Variants in FAM163B observed in about 807,000 individuals in gnomAD.
FAM163B encodes the protein protein FAM163B.
FAM163B carries 4 observed loss-of-function variants against 7.6 expected under a neutral mutation model. That is an observed-to-expected ratio of 0.52 (90% confidence interval 0.26 to 1.20). The LOEUF (loss-of-function observed/expected upper bound fraction) is 1.20. Ranked by LOEUF, FAM163B falls within the 50% of genes most tolerant of loss-of-function variation. The pLI, the probability that FAM163B is intolerant of heterozygous loss-of-function variation, is 0.14. For missense variants in FAM163B, 250 were observed against 243.0 expected (o/e 1.03, Z -0.19); for synonymous variants, 120 against 111.6 (o/e 1.07, Z -0.47).
intron 1 of FAM163B, among the ~76,000 whole-genome samples, chr9:133,591,212 C>T (rs1248950453): frequency 2.0e-5 from 3 of 152,248 alleles, no homozygotes; most frequent in Non-Finnish European, 1.5e-5. Flanking sequence ...CAGTGGCAGG[C>T]ACCTGCTATG....
chr9:133,578,748 G>C lies in FAM163B; in HGVS notation c.*274C>G, dbSNP rs1013978396. On this transcript the variant is annotated 3_prime_UTR_variant, in exon 3 of 3. Transcript: ENST00000673969. The stretch of plus-strand genomic sequence containing the variant: ...GAGTAACGGTGGCCTCTGTGCCTGA[G>C]AGCCCTGGTGCATGCCCAGCCGGCT... 1 of 492,082 alleles carries C rather than the reference G, an allele frequency of 2.0e-6. No individual in the cohort carries two copies. Among genetic ancestry groups the C allele is most frequent in the Non-Finnish European group, 3.4e-6 (1 of 293,734 alleles). The allele number at this position is 492,082 out of a possible 1,614,324, so 30.5% of individuals were successfully genotyped here. A position where few individuals can be genotyped will look rare whatever the true frequency, so the allele number is the denominator to read the frequency against.
Position 133,579,059 on chromosome 9 carries a change from G to C in FAM163B, c.464C>G (p.Ala155Gly), listed in dbSNP as rs2131206605. ...GCTGATGCTGCGGCTCCTGGCGAAG[G>C]CCTCCCGCATGGCTGAGAGGCGGTT... is the stretch of plus-strand genomic sequence containing the variant. ...NPNRLSAMREAFARSRSISTD... is the reference protein window; with the variant it reads ...NPNRLSAMREGFARSRSISTD... The change falls in exon 3 of 3, where the codon GCC (alanine) becomes GGC (glycine). Residue 155 changes from alanine (A) to glycine (G), a missense_variant. Transcript: ENST00000673969. 3.2e-6 allele frequency: 5 copies of C among 1,581,276 alleles called. No homozygotes were observed. Among genetic ancestry groups the C allele is most frequent in the East Asian group, 4.6e-5 (2 of 43,604 alleles).
chr9:133,588,574 C>G (rs1588325805), intron 1 of FAM163B, among the ~76,000 whole-genome samples: 5 of 139,878 alleles, frequency 3.6e-5, no homozygotes, highest in African/African-American at 7.9e-5. Flanking sequence ...GAGGGATTAG[C>G]ATGCTGAGGG....
chr9:133,581,889 G>T (rs1831361846), intron 1 of FAM163B, among the ~76,000 whole-genome samples: 1 of 152,182 alleles, frequency 6.6e-6, no homozygotes, highest in African/African-American at 2.4e-5. Context: ...GGGTCTCCCA[G>T]CCCATTGCTG....
chr9:133,579,490 G>T, intron 2 of FAM163B, 61 bp from the exon 3 acceptor site: 1 of 1,497,010 alleles, frequency 6.7e-7, no homozygotes, highest in Non-Finnish European at 8.9e-7. Flanking sequence ...CCGACATGTG[G>T]GAAAGGCTAC....
chr9:133,608,004 A>G (rs1049931551), intron 1 of FAM163B, among the ~76,000 whole-genome samples: 4 of 152,226 alleles, frequency 2.6e-5, no homozygotes, highest in African/African-American at 9.6e-5. Flanking sequence ...AAGATGGGCA[A>G]AGGTGCTTTC....
intron 1 of FAM163B, among the ~76,000 whole-genome samples, chr9:133,588,697 C>CCGAAAGATCTAGCAAGT (rs1831489287): frequency 8.9e-5 from 1 of 11,290 alleles, no homozygotes; most frequent in Non-Finnish European, 2.2e-4. Flanking sequence ...ATCTAGCATG[C>CCGAAAGATCTAGCAAGT]TGAGGGATCT....
intron 1 of FAM163B, among the ~76,000 whole-genome samples, chr9:133,599,309 C>T (rs537679174): frequency 3.9e-5 from 6 of 152,216 alleles, no homozygotes; most frequent in Admixed American, 2.6e-4. Flanking sequence ...CTTTGCTGCT[C>T]GCCCAGGCCT....
chr9:133,580,780 T>A (rs963451840), intron 1 of FAM163B, among the ~76,000 whole-genome samples: 249 of 152,310 alleles, frequency 1.6e-3, no homozygotes, highest in African/African-American at 5.6e-3. Context: ...TGCTTAATTG[T>A]GGTAAAGCAC....
Position 133,600,637 on chromosome 9 carries a change from C to T in FAM163B, c.-24+8440G>A, listed in dbSNP as rs559014682. ...CAGAGGGTAAAAGGATGGGTGGAAG[C>T]CCAAGACTCGTGGGGCTTGAGGAGA... On this transcript the variant is annotated intron_variant, in intron 1 of 2. Coordinates refer to ENST00000673969, the MANE Select transcript of FAM163B (RefSeq NM_001080515.3). The surrounding 1 kb of genome is among the most constrained non-coding windows in gnomAD (Gnocchi z 4.9). Among the ~76,000 whole-genome samples the T allele has an allele frequency of 2.6e-5, 4 of 152,208 alleles. No individual in the cohort carries two copies. Among genetic ancestry groups the T allele is most frequent in the Non-Finnish European group, 5.9e-5 (4 of 68,008 alleles).
intron 1 of FAM163B, among the ~76,000 whole-genome samples, chr9:133,602,047 T>C (rs560838089): frequency 5.9e-4 from 90 of 152,202 alleles, no homozygotes; most frequent in African/African-American, 2.0e-3. Flanking sequence ...CAGCTGGGAA[T>C]GGTTTTAAGC....
At chr9:133,584,820 G>A (rs183489441) in intron 1 of FAM163B, among the ~76,000 whole-genome samples, 11,604 of 152,306 alleles carry the variant, frequency 0.076, 494 homozygotes, top group Non-Finnish European at 0.087. Flanking sequence ...GTCAGGCCCA[G>A]CAACAGCCTG....
intron 1 of FAM163B, among the ~76,000 whole-genome samples, chr9:133,583,652 A>T (rs1014055154): frequency 6.6e-6 from 1 of 152,172 alleles, no homozygotes; most frequent in Non-Finnish European, 1.5e-5. Flanking sequence ...TCTGAGATGC[A>T]GCCGGTCCCT....
Position 133,578,263 on chromosome 9 carries a change from T to C in FAM163B, c.*759A>G, listed in dbSNP as rs1413484331. Among the ~76,000 whole-genome samples the C allele has an allele frequency of 2.0e-5, 3 of 152,182 alleles. No individual in the cohort carries two copies. The highest frequency in any genetic ancestry group is 2.1e-4 in the South Asian group (1 of 4,832). The stretch of plus-strand genomic sequence containing the variant: ...AGCACTGGGTCTATACATTTCCACG[T>C]TGCCTCTCCCACGGCAGGGGGACTG... On this transcript the variant is annotated 3_prime_UTR_variant, in exon 3 of 3. Coordinates refer to ENST00000673969, the MANE Select transcript of FAM163B (RefSeq NM_001080515.3).
intron 1 of FAM163B, among the ~76,000 whole-genome samples, chr9:133,607,430 G>A (rs1411572918): frequency 2.6e-5 from 4 of 152,210 alleles, no homozygotes; most frequent in Non-Finnish European, 5.9e-5. Flanking sequence ...TGCCCTACCT[G>A]CTGGAGAGGC....
intron 1 of FAM163B, among the ~76,000 whole-genome samples, chr9:133,598,734 C>T (rs746342267): frequency 3.3e-5 from 5 of 152,118 alleles, no homozygotes; most frequent in Non-Finnish European, 5.9e-5. Flanking sequence ...TATATCTCCC[C>T]AGAGAGAGCA....
Position 133,600,222 on chromosome 9 carries a change from G to A in FAM163B, c.-24+8855C>T, listed in dbSNP as rs1019842203. Among the ~76,000 whole-genome samples, 17 of 145,172 alleles carry A rather than the reference G, an allele frequency of 1.2e-4. No homozygotes were observed. The highest frequency in any genetic ancestry group is 4.1e-4 in the African/African-American group (16 of 38,842). On this transcript the variant is annotated intron_variant, in intron 1 of 2. Transcript: ENST00000673969. This position sits in a 1 kb window ranked among gnomAD's most constrained non-coding sequence, Gnocchi z 4.9. ...GTCTGTGTGAGTGTGTGTGTGTGGG[G>A]GGGAATGTGGTCTGTGTGCATGTGT...
Position 133,596,352 on chromosome 9 carries a change from G to A in FAM163B, c.-24+12725C>T, listed in dbSNP as rs115220321. On this transcript the variant is annotated intron_variant, in intron 1 of 2. Coordinates refer to ENST00000673969, the MANE Select transcript of FAM163B (RefSeq NM_001080515.3). The stretch of plus-strand genomic sequence containing the variant: ...TGGCTAAGTTTCTTCGTTCCTCCAT[G>A]TTTCAGTTTGATAAAATGGAGATGA... Among the ~76,000 whole-genome samples the A allele has an allele frequency of 5.6e-3, 801 of 142,844 alleles. 7 individuals carry two copies. The highest frequency in any genetic ancestry group is 0.02 in the African/African-American group (766 of 38,814). 93.7% of individuals were successfully genotyped at this position (142,844 alleles called of 152,430 possible).
At chr9:133,589,623 A>AGCGC (rs34872367) in intron 1 of FAM163B, among the ~76,000 whole-genome samples, 3 of 148,094 alleles carry the variant, frequency 2.0e-5, no homozygotes, top group Non-Finnish European at 4.5e-5. Context: ...GGGGCGACAC[A>AGCGC]GCGCGCACAC....
Sources: allele counts gnomAD v4.1 joint callset (sites outside exome capture counted in the v4.1 genomes callset), GRCh38; gene constraint gnomAD v4.1.1; non-coding constraint Gnocchi (gnomAD v3.1); transcripts MANE v1.5; gene names NCBI Gene and HGNC (gene_info 2026-07-23, HGNC 2026-07-21).